LNX2: variants seen among roughly 807,000 people sequenced by gnomAD.
LNX2 encodes ligand of numb-protein X 2.
Under a neutral mutation model 66.2 loss-of-function variants are expected in LNX2, and 35 were observed. The ratio of observed to expected loss-of-function variants is 0.53; its 90% confidence interval spans 0.40 to 0.70. The LOEUF is 0.70. Ranked by LOEUF, LNX2 falls within the 30% of genes least tolerant of loss-of-function variation. The pLI, the probability that LNX2 is intolerant of heterozygous loss-of-function variation, is 0.00. For synonymous variants in LNX2, 337 were observed against 315.6 expected (o/e 1.07, Z -0.72); for missense variants, 791 against 850.8 (o/e 0.93, Z 0.87).
In LNX2 at chr13:27,547,133, T is replaced by A. The variant is rs1057319127; in HGVS notation, c.*1202A>T. 1 of 152,188 alleles carries A rather than the reference T, an allele frequency of 6.6e-6. No homozygotes were observed. The highest frequency in any genetic ancestry group is 6.5e-5 in the Admixed American group (1 of 15,278). 9.4% of individuals were successfully genotyped at this position (152,188 alleles called of 1,614,324 possible). The stretch of plus-strand genomic sequence containing the variant: ...CTTTCTCCTACTTAGCTGTGATATA[T>A]AGGTATTTAATAATATGGTTTTATC... On this transcript the variant is annotated 3_prime_UTR_variant, in exon 10 of 10. Coordinates refer to ENST00000316334, the MANE Select transcript of LNX2 (RefSeq NM_153371.4).
At chr13:27,577,379 C>CA (rs1335662360) in intron 2 of LNX2, among the ~76,000 whole-genome samples, 1 of 152,140 alleles carries the variant, frequency 6.6e-6, no homozygotes, top group Non-Finnish European at 1.5e-5. Context: ...TTTAAAAGTG[C>CA]AATCATGCCT....
At chr13:27,550,237 T>A in intron 9 of LNX2, 96 bp downstream of exon 9, 1 of 1,087,592 alleles carries the variant, frequency 9.2e-7, no homozygotes, top group Non-Finnish European at 1.3e-6. Context: ...TTCAAAAAGA[T>A]AATGGGCTGG....
At chr13:27,593,666 C>G (rs1380341927) in intron 1 of LNX2, among the ~76,000 whole-genome samples, 1 of 147,338 alleles carries the variant, frequency 6.8e-6, no homozygotes, top group Non-Finnish European at 1.5e-5. Context: ...CTCCTGGGTT[C>G]AAGCGATTCT....
chr13:27,611,495 G>A (rs1466003498), intron 1 of LNX2, among the ~76,000 whole-genome samples: 1 of 152,206 alleles, frequency 6.6e-6, no homozygotes, highest in Non-Finnish European at 1.5e-5. Context: ...AGTTTCATAA[G>A]ATGAAAAAGT....
intron 3 of LNX2, among the ~76,000 whole-genome samples, chr13:27,568,216 C>T (rs1425430646): frequency 6.6e-6 from 1 of 152,160 alleles, no homozygotes; most frequent in African/African-American, 2.4e-5. Flanking sequence ...GGCATAGAAA[C>T]AGCACAGGTG....
rs879661069 is a variant in LNX2, at chr13:27,602,133, C to CTT, written c.-101+18240_-101+18241dup. ...TTAAATACAAAAAAAATGTGCAAAA[C>CTT]TTTTTTTTTTTAAGACTGCATTTCG... On this transcript the variant is annotated intron_variant, in intron 1 of 9. Coordinates refer to ENST00000316334, the MANE Select transcript of LNX2 (RefSeq NM_153371.4). Among the ~76,000 whole-genome samples the CTT allele has an allele frequency of 3.4e-5, 5 of 147,300 alleles. No homozygotes were observed. The Admixed American group carries it at 3.4e-4, about 10-fold the overall frequency.
intron 1 of LNX2, among the ~76,000 whole-genome samples, chr13:27,588,384 A>C (rs1707718755): frequency 6.6e-6 from 1 of 152,238 alleles, no homozygotes; most frequent in African/African-American, 2.4e-5. Context: ...AACCTCTATG[A>C]ATCTCCAGAA....
chr13:27,608,276 T>C (rs1955739118), intron 1 of LNX2, among the ~76,000 whole-genome samples: 1 of 152,232 alleles, frequency 6.6e-6, no homozygotes, highest in Admixed American at 6.5e-5. Flanking sequence ...GCTTTTGTCA[T>C]CTAAATATGT....
intron 1 of LNX2, among the ~76,000 whole-genome samples, chr13:27,619,706 A>G (rs1367601871): frequency 6.6e-6 from 1 of 152,252 alleles, no homozygotes; most frequent in Non-Finnish European, 1.5e-5. Flanking sequence ...GAAACACTAC[A>G]TGAGTCAAAA....
Position 27,547,978 on chromosome 13 carries a change from A to G in LNX2, c.*357T>C, listed in dbSNP as rs1021617389. Reference sequence around the variant, plus strand: ...TGACATCAGGCCTGAGGGATACAGAACTCGTTCTATGATTCAGTTACTGAA... The same window carrying G: ...TGACATCAGGCCTGAGGGATACAGAGCTCGTTCTATGATTCAGTTACTGAA... On this transcript the variant is annotated 3_prime_UTR_variant, in exon 10 of 10. Coordinates refer to ENST00000316334, the MANE Select transcript of LNX2 (RefSeq NM_153371.4). The G allele has an allele frequency of 2.5e-5, 6 of 237,806 alleles. No homozygotes were observed. The East Asian group carries it at 3.0e-4, about 12-fold the overall frequency. The allele number at this position is 237,806 out of a possible 1,614,324, so 14.7% of individuals were successfully genotyped here.
chr13:27,604,136 C>T (rs1166484549), intron 1 of LNX2, among the ~76,000 whole-genome samples: 4 of 152,180 alleles, frequency 2.6e-5, no homozygotes, highest in African/African-American at 7.2e-5. Context: ...CTCCCAGGTA[C>T]TCAGGAGGCT....
rs1955240640 is a variant in LNX2, at chr13:27,568,977, T to C, written c.655+52A>G. ...AAAAAAGTACATGTTGGGCAAGTAG[T>C]GGGAAGAAAGGAAATAGAGATGAAA... is the stretch of plus-strand genomic sequence containing the variant. On this transcript the variant is annotated intron_variant, in intron 3 of 9. Transcript: ENST00000316334. 5 of 1,514,408 alleles carry C rather than the reference T, an allele frequency of 3.3e-6. No individual in the cohort carries two copies. In the African/African-American group the frequency reaches 4.3e-5, roughly 13 times the overall value. 93.8% of individuals were successfully genotyped at this position (1,514,408 alleles called of 1,614,324 possible). A position where few individuals can be genotyped will look rare whatever the true frequency, so the allele number is the denominator to read the frequency against.
chr13:27,557,607 C>T (rs1338424770), intron 6 of LNX2, among the ~76,000 whole-genome samples: 1 of 151,804 alleles, frequency 6.6e-6, no homozygotes, highest in Non-Finnish European at 1.5e-5. Flanking sequence ...AGAATTATAA[C>T]ATTTCCTTAA....
At chr13:27,593,904 G>C (rs1955571028) in intron 1 of LNX2, among the ~76,000 whole-genome samples, 1 of 151,714 alleles carries the variant, frequency 6.6e-6, no homozygotes, top group Non-Finnish European at 1.5e-5. Flanking sequence ...TCTGCTGGCT[G>C]AAATTATACC....
At chr13:27,593,730 GTT>G in intron 1 of LNX2, among the ~76,000 whole-genome samples, 1 of 139,882 alleles carries the variant, frequency 7.1e-6, no homozygotes, top group Middle Eastern at 3.8e-3. Context: ...ACCACGCCTG[GTT>G]TTTGTGTGTG....
chr13:27,611,852 A>C (rs1170445564), intron 1 of LNX2, among the ~76,000 whole-genome samples: 2 of 152,248 alleles, frequency 1.3e-5, no homozygotes, highest in Non-Finnish European at 2.9e-5. Context: ...CTTTAAGAAC[A>C]ATAATTAGAG....
intron 1 of LNX2, among the ~76,000 whole-genome samples, chr13:27,604,123 G>A (rs1057431517): frequency 6.6e-6 from 1 of 152,138 alleles, no homozygotes; most frequent in African/African-American, 2.4e-5. Context: ...GCGTGGTGGC[G>A]GGCTCCCAGG....
chr13:27,606,735 G>T (rs886159770), intron 1 of LNX2, among the ~76,000 whole-genome samples: 1 of 152,100 alleles, frequency 6.6e-6, no homozygotes, highest in Non-Finnish European at 1.5e-5. Flanking sequence ...CTCACCTCAG[G>T]CTTGTTTTTC....
rs188869732 is a variant in LNX2, at chr13:27,590,576, T to C, written c.-100-8773A>G. Among the ~76,000 whole-genome samples the C allele has an allele frequency of 1.9e-3, 288 of 152,196 alleles. 5 individuals are homozygous for C. Among genetic ancestry groups the C allele is most frequent in the South Asian group, 1.2e-3 (6 of 4,816 alleles). On this transcript the variant is annotated intron_variant, in intron 1 of 9. Transcript: ENST00000316334. ...CACAGGTAAATGTTAGCAGCATAGA[T>C]GGCTTTAGTACTAACCCAGATGTTA...
Sources: gnomAD v4.1 joint callset for allele counts (sites outside exome capture counted in the v4.1 genomes callset) on GRCh38, gnomAD v4.1.1 for gene constraint, MANE v1.5 for transcripts, NCBI Gene and HGNC (gene_info 2026-07-23, HGNC 2026-07-21) for gene names.